Variants in PINX1 observed in about 807,000 individuals in gnomAD.
The protein encoded by PINX1 is PIN2/TERF1-interacting telomerase inhibitor 1.
A neutral mutation model predicts 25.4 loss-of-function variants in PINX1; 34 were observed. The observed-to-expected ratio is 1.34, with a 90% CI of 1.02 to 1.78. The LOEUF (loss-of-function observed/expected upper bound fraction) is 1.78, where lower values mean the gene tolerates loss of function less well. Ranked by LOEUF, PINX1 falls within the 40% of genes most tolerant of loss-of-function variation. PINX1 has a pLI of 0.00. For synonymous variants in PINX1, 197 were observed against 147.7 expected (o/e 1.33, Z -2.42); for missense variants, 592 against 404.9 (o/e 1.46, Z -3.97).
chr8:10,832,242 G>T (rs773716789), intron 3 of PINX1, among the ~76,000 whole-genome samples: 1 of 152,060 alleles, frequency 6.6e-6, no homozygotes, highest in Non-Finnish European at 1.5e-5. Context: ...CCCCTGAATC[G>T]ATGAGTTCCC....
At chr8:10,800,504 C>G (rs1390911079) in intron 6 of PINX1, among the ~76,000 whole-genome samples, 3 of 149,472 alleles carry the variant, frequency 2.0e-5, no homozygotes, top group Non-Finnish European at 4.4e-5. Context: ...AAGTCTCACT[C>G]TGTTGCCCAG....
intron 6 of PINX1, among the ~76,000 whole-genome samples, chr8:10,804,287 C>T (rs929717745): frequency 6.6e-6 from 1 of 152,182 alleles, no homozygotes; most frequent in Non-Finnish European, 1.5e-5. Context: ...TAGAACAGTA[C>T]CTAGCACAGA....
chr8:10,831,556 T>C (rs1241935739), intron 4 of PINX1, 109 bp downstream of exon 4: 6 of 720,522 alleles, frequency 8.3e-6, no homozygotes, highest in African/African-American at 3.5e-5. Context: ...TATCACACTA[T>C]ACTCAATAAA....
intron 6 of PINX1, among the ~76,000 whole-genome samples, chr8:10,815,116 A>G (rs539692119): frequency 1.3e-5 from 2 of 152,126 alleles, no homozygotes; most frequent in East Asian, 3.9e-4. Context: ...AATTTTTTAA[A>G]TTTTTGGTAG....
In PINX1 at chr8:10,765,590, C is replaced by T; in HGVS notation, c.798G>A (p.Trp266Ter). ...GAGCAGAGGCCTTGGAACTCTGGTC[C>T]CAGCAGGGGCCTCTGAGCTGCTCTT... ...PAEEQLRGPCWDQSSKASAQD... is the reference protein window; with the variant it reads ...PAEEQLRGPC Residue 266 changes from tryptophan (W) to a stop codon, truncating the protein, a stop_gained, in exon 7 of 7, where the codon TGG (tryptophan) becomes TGA (stop). Coordinates refer to ENST00000314787, the MANE Select transcript of PINX1 (RefSeq NM_017884.6). LOFTEE classifies it low-confidence loss of function (END_TRUNC). The T allele has an allele frequency of 6.2e-7, 1 of 1,613,660 alleles. No homozygotes were observed. The highest frequency in any genetic ancestry group is 8.5e-7 in the Non-Finnish European group (1 of 1,179,854).
At chr8:10,832,808 AG>A in intron 3 of PINX1, 83 bp downstream of exon 3, 1 of 744,018 alleles carries the variant, frequency 1.3e-6, no homozygotes, top group African/African-American at 1.7e-5. Flanking sequence ...AATGGTCAGA[AG>A]CAGATGAACC....
chr8:10,826,514 G>C (rs913479010), intron 4 of PINX1, among the ~76,000 whole-genome samples: 5 of 152,194 alleles, frequency 3.3e-5, no homozygotes, highest in Admixed American at 3.3e-4. Flanking sequence ...GGAAGAAATG[G>C]AAACTTGTGT....
At chr8:10,818,248 C>A (rs576887747) in intron 6 of PINX1, among the ~76,000 whole-genome samples, 1 of 152,320 alleles carries the variant, frequency 6.6e-6, no homozygotes, top group East Asian at 1.9e-4. Context: ...CATCTCTACA[C>A]ACACTGGACC....
intron 6 of PINX1, among the ~76,000 whole-genome samples, chr8:10,772,491 G>A (rs879870148): frequency 1.3e-5 from 2 of 152,186 alleles, no homozygotes; most frequent in Non-Finnish European, 2.9e-5. Context: ...GTGTTTTATT[G>A]ATGAACAGCT....
At chr8:10,768,118 G>C (rs995439510) in intron 6 of PINX1, among the ~76,000 whole-genome samples, 1 of 149,024 alleles carries the variant, frequency 6.7e-6, no homozygotes, top group Non-Finnish European at 1.5e-5. Context: ...CAGCCACACA[G>C]AGACAGGCTC....
At chr8:10,781,485 T>C (rs1586144445) in intron 6 of PINX1, among the ~76,000 whole-genome samples, 1 of 152,106 alleles carries the variant, frequency 6.6e-6, no homozygotes, top group East Asian at 1.9e-4. Flanking sequence ...TAAAAAGAAC[T>C]CAAGCAACTC....
chr8:10,786,599 C>T (rs929607045), intron 6 of PINX1, among the ~76,000 whole-genome samples: 7 of 152,202 alleles, frequency 4.6e-5, no homozygotes, highest in African/African-American at 1.7e-4. Flanking sequence ...CAGGGTTGGA[C>T]CCTGTGACTG....
intron 6 of PINX1, among the ~76,000 whole-genome samples, chr8:10,803,832 A>G (rs1266692574): frequency 1.3e-5 from 2 of 152,224 alleles, no homozygotes; most frequent in Non-Finnish European, 2.9e-5. Flanking sequence ...TGAATTTTGT[A>G]TAACTCTTAG....
chr8:10,793,661 G>C (rs1563214137), intron 6 of PINX1, among the ~76,000 whole-genome samples: 2 of 151,110 alleles, frequency 1.3e-5, no homozygotes, highest in Non-Finnish European at 1.5e-5. Context: ...GGGGGCATTT[G>C]TTTTAATTTT....
At chr8:10,794,216 C>G (rs1394987496) in intron 6 of PINX1, among the ~76,000 whole-genome samples, 3 of 152,096 alleles carry the variant, frequency 2.0e-5, no homozygotes, top group African/African-American at 7.2e-5. Context: ...TGCTCAATCA[C>G]TGGTAATCTA....
rs567200322 is a variant in PINX1, at chr8:10,806,767, C to T, written c.471+13426G>A. ...TCTGCCGGCAGGCCCTAGGATGCAGCGGAGGGCAGGGGAGGCGCTCCTGAC... is the reference window on the plus strand; with the variant it reads ...TCTGCCGGCAGGCCCTAGGATGCAGTGGAGGGCAGGGGAGGCGCTCCTGAC... On this transcript the variant is annotated intron_variant, in intron 6 of 6. Transcript: ENST00000314787. 5.3e-5 allele frequency among the ~76,000 whole-genome samples: 8 copies of T among 152,186 alleles called. No individual in the cohort carries two copies. In the South Asian group the frequency reaches 6.2e-4, roughly 12 times the overall value.
intron 6 of PINX1, among the ~76,000 whole-genome samples, chr8:10,793,418 A>G (rs1801985824): frequency 6.6e-6 from 1 of 152,220 alleles, no homozygotes; most frequent in African/African-American, 2.4e-5. Context: ...GGCCATCCAT[A>G]AAATGCACTA....
At chr8:10,824,225 G>T (rs553798738) in intron 5 of PINX1, among the ~76,000 whole-genome samples, 82 of 152,300 alleles carry the variant, frequency 5.4e-4, no homozygotes, top group Non-Finnish European at 1.0e-3. Context: ...TAGGTGACTT[G>T]TCTGAGCGAG....
At chr8:10,836,122 G>T (rs35039898) in intron 1 of PINX1, among the ~76,000 whole-genome samples, 7,167 of 151,956 alleles carry the variant, frequency 0.047, 200 homozygotes, top group Middle Eastern at 0.078. Flanking sequence ...AAAATAACAT[G>T]ACCCCCTGTC....
Sources: allele counts gnomAD v4.1 joint callset (sites outside exome capture counted in the v4.1 genomes callset), GRCh38; gene constraint gnomAD v4.1.1; transcripts MANE v1.5; gene names NCBI Gene and HGNC (gene_info 2026-07-23, HGNC 2026-07-21).